MTMR1: variants seen among roughly 807,000 people sequenced by gnomAD.
The protein encoded by MTMR1 is phosphatidylinositol-3-phosphate phosphatase MTMR1.
In MTMR1, 17 loss-of-function variants were observed where a neutral mutation model predicts 51.6. That is an observed-to-expected ratio of 0.33 (90% CI 0.23 to 0.49). MTMR1 has a LOEUF of 0.49. MTMR1 is among the 20% of genes least tolerant of loss of function. The pLI, the probability that MTMR1 is intolerant of heterozygous loss-of-function variation, is 0.99. For synonymous variants in MTMR1, 201 were observed against 205.6 expected, an observed-to-expected ratio of 0.98 and a Z score of 0.19; for missense variants, 386 against 526.9, an observed-to-expected ratio of 0.73 and a Z score of 2.62.
intron 7 of MTMR1, 68 bp downstream of exon 7, chrX:150,730,278 T>C: frequency 1.3e-6 from 1 of 792,483 alleles, no homozygotes; most frequent in Non-Finnish European, 1.8e-6. Flanking sequence ...TGTTTAATTA[T>C]TCCTTTTTCC....
Position 150,732,589 on chromosome X carries a change from C to T in MTMR1, c.939C>T (p.Cys313=), listed in dbSNP as rs2042151101. ...AAAGTCAAGCAACGATTACCCGTTG[C>T]AGCCAGCCACTTGTGGGTCCCAATG... ...HPESQATITR[C]SQPLVGPNDK... Residue 313 remains cysteine, a synonymous_variant, in exon 10 of 16, where the codon TGC becomes TGT. Transcript: ENST00000445323. 1.7e-6 allele frequency: 2 copies of T among 1,210,506 alleles called. No homozygotes were observed. Among genetic ancestry groups the T allele is most frequent in the African/African-American group, 1.7e-5 (1 of 57,783 alleles).
chrX:150,762,023 C>G (rs1380485467), intron 15 of MTMR1, among the ~76,000 whole-genome samples: 3 of 112,862 alleles, frequency 2.7e-5, no homozygotes, highest in African/African-American at 6.4e-5. Context: ...CCTGCCGGCA[C>G]TGCCCGCTCC....
At chrX:150,744,771 G>T (rs1291532718) in intron 13 of MTMR1, among the ~76,000 whole-genome samples, 1 of 111,867 alleles carries the variant, frequency 8.9e-6, no homozygotes, top group African/African-American at 3.3e-5. Flanking sequence ...CTCCTGCTGA[G>T]CAGTTCATCT....
rs183130621 is a variant in MTMR1, at chrX:150,739,046, A to G, written c.1473+1598A>G. ...AAGTCCCCATTAGACTTGCTATGGA[A>G]AGCAGGAAGATGGGTAGTGCAAGGA... On this transcript the variant is annotated intron_variant, in intron 12 of 15. Transcript: ENST00000445323. Among the ~76,000 whole-genome samples, 5 of 112,242 alleles carry G rather than the reference A, an allele frequency of 4.5e-5. No homozygotes were observed. In the East Asian group the frequency reaches 1.4e-3, roughly 32 times the overall value.
At chrX:150,739,060 G>A (rs6627801) in intron 12 of MTMR1, among the ~76,000 whole-genome samples, 33,271 of 111,386 alleles carry the variant, frequency 0.3, 4,548 homozygotes, top group East Asian at 0.71. Context: ...AGGAAGATGG[G>A]TAGTGCAAGG....
Position 150,736,675 on chromosome X carries a change from C to G in MTMR1, c.1161C>G (p.Val387=), listed in dbSNP as rs782330321. ...LVFLEIHNIH[V]MRESLRKLKE... ...TCTTGGAGATCCACAACATTCATGT[C>G]ATGCGAGAGTCACTACGCAAATTAA... The change falls in exon 11 of 16, where the codon GTC becomes GTG. Residue 387 remains valine (V), a synonymous_variant. Transcript: ENST00000445323. 8.3e-7 allele frequency: 1 copy of G among 1,211,398 alleles called. No individual in the cohort carries two copies. The highest frequency in any genetic ancestry group is 3.0e-5 in the East Asian group (1 of 33,842).
chrX:150,717,082 G>A (rs897895455), intron 3 of MTMR1, among the ~76,000 whole-genome samples: 7 of 110,921 alleles, frequency 6.3e-5, no homozygotes, highest in Non-Finnish European at 1.1e-4. Context: ...AAATGAGGCC[G>A]GGCGCGGTGG....
chrX:150,741,288 C>A (rs782283455), intron 12 of MTMR1, among the ~76,000 whole-genome samples: 2 of 112,071 alleles, frequency 1.8e-5, no homozygotes, highest in Non-Finnish European at 1.9e-5. Flanking sequence ...TTTCCCTTGC[C>A]CCGTCTAAGC....
rs200739364 is a variant in MTMR1, at chrX:150,714,542, A to G, written c.276+2177A>G. The G allele has an allele frequency of 6.2e-5, 60 of 974,043 alleles. 1 individual carries two copies. In the East Asian group the frequency reaches 3.7e-3, roughly 60 times the overall value. 80.3% of individuals were successfully genotyped at this position (974,043 alleles called of 1,213,427 possible). A position where few individuals can be genotyped will look rare whatever the true frequency, so the allele number is the denominator to read the frequency against. On this transcript the variant is annotated intron_variant, in intron 3 of 15. Coordinates refer to ENST00000445323, the MANE Select transcript of MTMR1 (RefSeq NM_001306144.3). ...TGAAGCTGATCAGGTGGCAAGTTCT[A>G]CGTGTTCATCTGTTTGTAGCTACAG...
In MTMR1 at chrX:150,712,359, T is replaced by C; in HGVS notation, c.270T>C (p.Asp90=). 1 of 1,165,437 alleles carries C rather than the reference T, an allele frequency of 8.6e-7. No individual in the cohort carries two copies. Among genetic ancestry groups the C allele is most frequent in the Non-Finnish European group, 1.1e-6 (1 of 871,933 alleles). The stretch of plus-strand genomic sequence containing the variant: ...ACTAACAGGTTTTCAGGAGGCCTGA[T>C]CTAAGGGTAAGGATATTTGGCTTTC... ...SRDYKVFRRP[D]LRALRDGNKL... is the part of the protein sequence containing the mutation. The change falls in exon 3 of 16, where the codon GAT becomes GAC. Residue 90 remains aspartate, a synonymous_variant. Coordinates refer to ENST00000445323, the MANE Select transcript of MTMR1 (RefSeq NM_001306144.3).
chrX:150,753,396 A>G (rs2042810159), intron 14 of MTMR1, among the ~76,000 whole-genome samples: 1 of 112,211 alleles, frequency 8.9e-6, no homozygotes, highest in Non-Finnish European at 1.9e-5. Context: ...CTATTGAGGA[A>G]CTGCCAGATT....
chrX:150,738,538 T>A (rs1227255789), intron 12 of MTMR1, among the ~76,000 whole-genome samples: 1 of 112,074 alleles, frequency 8.9e-6, no homozygotes, highest in Non-Finnish European at 1.9e-5. Context: ...AAGTCCAAAA[T>A]CAGGGTCCCA....
At chrX:150,714,468 G>A in intron 3 of MTMR1, 1 of 977,315 alleles carries the variant, frequency 1.0e-6, no homozygotes. Context: ...CATGCACCTG[G>A]TGCTGTGCAG....
intron 4 of MTMR1, among the ~76,000 whole-genome samples, chrX:150,723,383 C>G (rs1402411357): frequency 9.1e-5 from 10 of 110,473 alleles, no homozygotes; most frequent in African/African-American, 3.3e-4. Context: ...AATGGGATGG[C>G]TGGGTCAAAT....
In MTMR1 at chrX:150,715,274, T is replaced by C. The variant is rs190756768; in HGVS notation, c.276+2909T>C. On this transcript the variant is annotated intron_variant, in intron 3 of 15. Transcript: ENST00000445323. ...CTTGGATTCAGGCTGAGGAGAAAAG[T>C]AGCGGAGAGGCCAGGGTTGTTGGGT... is the stretch of plus-strand genomic sequence containing the variant. 2.7e-5 allele frequency among the ~76,000 whole-genome samples: 3 copies of C among 111,985 alleles called. No individual in the cohort carries two copies. In the East Asian group the frequency reaches 8.4e-4, roughly 31 times the overall value.
At chrX:150,709,840 C>T (rs1164766211) in intron 2 of MTMR1, among the ~76,000 whole-genome samples, 1 of 112,131 alleles carries the variant, frequency 8.9e-6, no homozygotes, top group African/African-American at 3.3e-5. Flanking sequence ...CCTACCAAGC[C>T]CCACCTCCAA....
intron 1 of MTMR1, among the ~76,000 whole-genome samples, chrX:150,694,488 A>C (rs2040602540): frequency 9.0e-6 from 1 of 111,539 alleles, no homozygotes; most frequent in African/African-American, 3.3e-5. Flanking sequence ...ACCAGAGTGC[A>C]CTCAGGCAGC....
chrX:150,752,264 A>G (rs1557417626), intron 14 of MTMR1, among the ~76,000 whole-genome samples: 2 of 111,220 alleles, frequency 1.8e-5, no homozygotes, highest in African/African-American at 6.6e-5. Context: ...TCAAGCCCCT[A>G]CTGTCTCACA....
At position 150,763,122 on chromosome X, in the gene MTMR1, A is replaced by C; in HGVS notation, c.*393A>C. ...CTCAGCTCTTGGCCACAACTTGAAA[A>C]CTGTCTTGAATGAAGTACTTGGGGA... On this transcript the variant is annotated 3_prime_UTR_variant, in exon 16 of 16. Transcript: ENST00000445323. 7.6e-6 allele frequency: 1 copy of C among 131,551 alleles called. No individual in the cohort carries two copies. Among genetic ancestry groups the C allele is most frequent in the Admixed American group, 7.9e-5 (1 of 12,633 alleles). 10.8% of individuals were successfully genotyped at this position (131,551 alleles called of 1,213,427 possible).
Sources: allele counts gnomAD v4.1 joint callset (sites outside exome capture counted in the v4.1 genomes callset), GRCh38; gene constraint gnomAD v4.1.1; transcripts MANE v1.5; gene names NCBI Gene and HGNC (gene_info 2026-07-23, HGNC 2026-07-21).